Variants in PPM1M observed in about 807,000 individuals in gnomAD.
The protein encoded by PPM1M is protein phosphatase, Mg2+/Mn2+ dependent 1M.
PPM1M carries 44 observed loss-of-function variants against 50.8 expected under a neutral mutation model. The observed-to-expected ratio is 0.87, with a 90% CI of 0.68 to 1.11. PPM1M has a LOEUF of 1.11. Among genes scored for constraint, PPM1M ranks in the 50% most tolerant of loss-of-function variants. The pLI is 0.00. For synonymous variants in PPM1M, 224 were observed against 242.9 expected, an observed-to-expected ratio of 0.92 and a Z score of 0.72; for missense variants, 556 against 593.4, an observed-to-expected ratio of 0.94 and a Z score of 0.66.
chr3:52,249,221 G>T lies in PPM1M; in HGVS notation c.1134G>T (p.Val378=). The change falls in exon 9 of 10, where the codon GTG becomes GTT. Residue 378 remains valine, a synonymous_variant. Coordinates refer to ENST00000323588, the MANE Select transcript of PPM1M (RefSeq NM_144641.4). ...VDQLELQEDD[V]VVMATDGLWD... ...AGCTGGAGCTACAGGAGGATGATGT[G>T]GTTGTCATGGCAACTGATGGACTCT... 1.2e-6 allele frequency: 2 copies of T among 1,613,954 alleles called. No individual in the cohort carries two copies. Among genetic ancestry groups the T allele is most frequent in the Non-Finnish European group, 1.7e-6 (2 of 1,179,872 alleles).
At chr3:52,249,535 T>C in intron 9 of PPM1M, 135 bp from the exon 10 acceptor site, 1 of 1,384,872 alleles carries the variant, frequency 7.2e-7, no homozygotes, top group Non-Finnish European at 9.9e-7. Flanking sequence ...CTCCCAGACT[T>C]GCTGCTTGCT....
intron 3 of PPM1M, 113 bp downstream of exon 3, chr3:52,247,341 A>G: frequency 7.0e-7 from 1 of 1,437,318 alleles, no homozygotes; most frequent in Non-Finnish European, 9.3e-7. Flanking sequence ...GATTGGGAGG[A>G]TGAGATTGGG....
chr3:52,249,394 G>A (rs1447795233), intron 9 of PPM1M, 72 bp downstream of exon 9: 2 of 1,531,560 alleles, frequency 1.3e-6, no homozygotes, highest in Non-Finnish European at 1.8e-6. Flanking sequence ...TTATGGCTGA[G>A]AAGACAGAGC....
At chr3:52,247,620 G>C (rs1699881424) in intron 3 of PPM1M, 62 bp from the exon 4 acceptor site, 1 of 1,120,738 alleles carries the variant, frequency 8.9e-7, no homozygotes, top group African/African-American at 1.5e-5. Flanking sequence ...GGTGGGGATT[G>C]AGAGACAAAG....
chr3:52,248,492 T>G (rs1162853966), intron 6 of PPM1M, 39 bp downstream of exon 6: 2 of 1,599,550 alleles, frequency 1.3e-6, no homozygotes, highest in Non-Finnish European at 1.7e-6. Flanking sequence ...GGGAGACCCC[T>G]GGGATCCAGG....
rs1204375603 is a variant in PPM1M, at chr3:52,247,814, G to C, written c.710+20G>C. Reference sequence around the variant, plus strand: ...TAGCAGGTGAGTCACCCCTTGGAGGGTGGGCAAGGGTGGGATGGGGAGGGC... The same window carrying C: ...TAGCAGGTGAGTCACCCCTTGGAGGCTGGGCAAGGGTGGGATGGGGAGGGC... On this transcript the variant is annotated intron_variant, in intron 4 of 9. Transcript: ENST00000323588. The C allele has an allele frequency of 8.1e-7, 1 of 1,229,402 alleles. No homozygotes were observed. Among genetic ancestry groups the C allele is most frequent in the African/African-American group, 1.5e-5 (1 of 67,558 alleles). 76.2% of individuals were successfully genotyped at this position (1,229,402 alleles called of 1,614,324 possible).
Position 52,247,067 on chromosome 3 carries a change from C to T in PPM1M, c.436C>T (p.Arg146Trp), listed in dbSNP as rs776300127. 2.6e-6 allele frequency: 4 copies of T among 1,567,366 alleles called. No homozygotes were observed. Among genetic ancestry groups the T allele is most frequent in the South Asian group, 1.2e-5 (1 of 85,512 alleles). The change falls in exon 3 of 10, where the codon CGG (arginine) becomes TGG (tryptophan). Residue 146 changes from arginine to tryptophan, a missense_variant. Physicochemically the swap from Arg to Trp is moderately radical, Grantham distance 101. Coordinates refer to ENST00000323588, the MANE Select transcript of PPM1M (RefSeq NM_144641.4). ...CAACACCCTGCACTCCTGCTTGCGCCGGCAGCTGGAGGCCGTGGTGGAAGG... is the reference window on the plus strand; with the variant it reads ...CAACACCCTGCACTCCTGCTTGCGCTGGCAGCTGGAGGCCGTGGTGGAAGG... ...AANTLHSCLRRQLEAVVEGLV... is the reference protein window; with the variant it reads ...AANTLHSCLRWQLEAVVEGLV...
intron 1 of PPM1M, chr3:52,246,317 A>G: frequency 9.6e-7 from 1 of 1,036,354 alleles, no homozygotes; most frequent in South Asian, 3.1e-5. Context: ...GAGACTCGGT[A>G]GAGTTCCAGC....
chr3:52,249,408 G>T, intron 9 of PPM1M, 86 bp downstream of exon 9: 1 of 1,502,384 alleles, frequency 6.7e-7, no homozygotes, highest in South Asian at 1.2e-5. Flanking sequence ...ACAGAGCACT[G>T]ACAATGAGCT....
chr3:52,249,867 C>A lies in PPM1M; in HGVS notation c.*53C>A. 1.3e-6 allele frequency: 2 copies of A among 1,558,534 alleles called. No individual in the cohort carries two copies. Among genetic ancestry groups the A allele is most frequent in the Non-Finnish European group, 1.7e-6 (2 of 1,144,924 alleles). On this transcript the variant is annotated 3_prime_UTR_variant, in exon 10 of 10. Transcript: ENST00000323588. The stretch of plus-strand genomic sequence containing the variant: ...CTCTAGTGCCCGGGTGTGGTCTGGG[C>A]ATCCCTCCAGTGTGACCAAGAGCAA...
chr3:52,249,493 G>A, intron 9 of PPM1M, 171 bp downstream of exon 9: 2 of 1,258,298 alleles, frequency 1.6e-6, no homozygotes, highest in Non-Finnish European at 2.2e-6. Context: ...GAAAATCCCT[G>A]GATTTAGACT....
intron 1 of PPM1M, chr3:52,246,302 G>T: frequency 9.7e-7 from 1 of 1,034,976 alleles, no homozygotes; most frequent in Non-Finnish European, 1.2e-6. Flanking sequence ...CCAAGATGAG[G>T]CCCAGAGACT....
rs1293688233 is a variant in PPM1M at position 52,249,711 on chromosome 3, G to A, written c.1277G>A (p.Gly426Glu). ...CAGATGCTGATACACAGCACACAGG[G>A]AAAGGAAGACAGTCTCACAGAGGAA... ...LAQMLIHSTQ[G>E]KEDSLTEEGQ... is the part of the protein sequence containing the mutation. The change falls in exon 10 of 10, where the codon GGA becomes GAA. Residue 426 changes from glycine (G) to glutamate (E), a missense_variant. Physicochemically the swap from Gly to Glu is moderately conservative, Grantham distance 98. Coordinates refer to ENST00000323588, the MANE Select transcript of PPM1M (RefSeq NM_144641.4). 1.2e-6 allele frequency: 2 copies of A among 1,613,824 alleles called. No individual in the cohort carries two copies. The highest frequency in any genetic ancestry group is 1.7e-6 in the Non-Finnish European group (2 of 1,179,864).
chr3:52,249,364 C>A (rs566798785), intron 9 of PPM1M, 42 bp downstream of exon 9: 2 of 1,563,126 alleles, frequency 1.3e-6, no homozygotes, highest in African/African-American at 2.7e-5. Flanking sequence ...TGGGTTGGTG[C>A]CAGCAGCAAG....
At chr3:52,247,830 T>A (rs1318412551) in intron 4 of PPM1M, 36 bp downstream of exon 4, 6 of 744,976 alleles carry the variant, frequency 8.1e-6, no homozygotes, top group Non-Finnish European at 1.4e-5. Context: ...AAGGGTGGGA[T>A]GGGGAGGGCA....
At position 52,249,307 on chromosome 3, in the gene PPM1M, A is replaced by G; in HGVS notation, c.1220A>G (p.Gln407Arg). 1.2e-6 allele frequency: 2 copies of G among 1,604,178 alleles called. No homozygotes were observed. The highest frequency in any genetic ancestry group is 1.1e-5 in the South Asian group (1 of 89,522). The stretch of plus-strand genomic sequence containing the variant: ...GTGCGGAGCTTCCTCCCTGGGAACC[A>G]AGAGGACCCACACAGGTACTGTAGC... ...WLVRSFLPGNQEDPHRFSKLA... is the reference protein window; with the variant it reads ...WLVRSFLPGNREDPHRFSKLA... Residue 407 changes from glutamine to arginine, a missense_variant, in exon 9 of 10, where the codon CAA (glutamine) becomes CGA (arginine). By Grantham distance (43) the Gln-to-Arg change is conservative. Coordinates refer to ENST00000323588, the MANE Select transcript of PPM1M (RefSeq NM_144641.4).
chr3:52,249,473 C>A, intron 9 of PPM1M, 151 bp downstream of exon 9: 1 of 1,256,110 alleles, frequency 8.0e-7, no homozygotes, highest in Non-Finnish European at 1.1e-6. Flanking sequence ...GCAGGGAGAC[C>A]GTGGGTTCCG....
chr3:52,248,841 A>G (rs980503462), intron 7 of PPM1M, 115 bp from the exon 8 acceptor site: 47 of 1,255,300 alleles, frequency 3.7e-5, no homozygotes, highest in Non-Finnish European at 2.3e-6. Context: ...CTCTCAGTCC[A>G]AGGCTTCCAA....
intron 3 of PPM1M, 163 bp downstream of exon 3, chr3:52,247,391 AC>A: frequency 9.7e-7 from 1 of 1,028,026 alleles, no homozygotes; most frequent in Non-Finnish European, 1.4e-6. Context: ...TATCAGCATA[AC>A]CCCTCTCATT....
Sources: allele counts gnomAD v4.1 joint callset, GRCh38; gene constraint gnomAD v4.1.1; transcripts MANE v1.5; gene names NCBI Gene and HGNC (gene_info 2026-07-23, HGNC 2026-07-21).